SEZ6L: variants seen among roughly 807,000 people sequenced by gnomAD.
The protein encoded by SEZ6L is seizure 6-like protein.
A neutral mutation model predicts 106.2 loss-of-function variants in SEZ6L; 37 were observed. That is an observed-to-expected ratio of 0.35 (90% CI 0.27 to 0.46). SEZ6L has a LOEUF of 0.46. SEZ6L is among the 20% of genes least tolerant of loss of function. The pLI is 1.00. For missense variants in SEZ6L, 1,172 were observed against 1,332.8 expected, an observed-to-expected ratio of 0.88 and a Z score of 1.88; for synonymous variants, 541 against 570.4, an observed-to-expected ratio of 0.95 and a Z score of 0.73.
chr22:26,294,327 T>G lies in SEZ6L; in HGVS notation c.871T>G (p.Tyr291Asp). 1 of 1,614,058 alleles carries G rather than the reference T, an allele frequency of 6.2e-7. No individual in the cohort carries two copies. The highest frequency in any genetic ancestry group is 1.1e-5 in the South Asian group (1 of 91,078). Reference protein sequence around the residue: ...CSVSFSNPEGYIDSSDYPLLP... With the variant: ...CSVSFSNPEGDIDSSDYPLLP... The stretch of plus-strand genomic sequence containing the variant: ...TGTGAGCTTCTCCAATCCTGAGGGG[T>G]ACATTGACTCCAGCGACTACCCACT... The change falls in exon 3 of 17, where the codon TAC becomes GAC. Residue 291 changes from tyrosine (Y) to aspartate (D), a missense_variant. Tyr to Asp is a radical substitution (Grantham distance 160). Coordinates refer to ENST00000248933, the MANE Select transcript of SEZ6L (RefSeq NM_021115.5).
In SEZ6L at chr22:26,172,573, C is replaced by T. The variant is rs1938698637; in HGVS notation, c.94+2810C>T. On this transcript the variant is annotated intron_variant, in intron 1 of 16. Coordinates refer to ENST00000248933, the MANE Select transcript of SEZ6L (RefSeq NM_021115.5). ...TATCCAATATACCTACTGTGCAGAC[C>T]TCCACTAGGGGCGCTCCAAGATCTA... Among the ~76,000 whole-genome samples the T allele has an allele frequency of 2.6e-5, 4 of 152,130 alleles. No homozygotes were observed. In the South Asian group the frequency reaches 8.3e-4, roughly 32 times the overall value.
chr22:26,190,270 T>A (rs1940104512), intron 1 of SEZ6L, among the ~76,000 whole-genome samples: 1 of 152,162 alleles, frequency 6.6e-6, no homozygotes, highest in Non-Finnish European at 1.5e-5. Context: ...CAAGTTGTCA[T>A]ATGTGTAAAG....
intron 9 of SEZ6L, among the ~76,000 whole-genome samples, chr22:26,320,183 G>C (rs932368514): frequency 6.6e-6 from 1 of 152,194 alleles, no homozygotes; most frequent in African/African-American, 2.4e-5. Context: ...AGAATATCTA[G>C]CGGGAGGGGG....
At chr22:26,185,899 C>A (rs888329603) in intron 1 of SEZ6L, among the ~76,000 whole-genome samples, 4 of 152,056 alleles carry the variant, frequency 2.6e-5, no homozygotes. Context: ...CTCTGTAGTA[C>A]GAATAGGGGT....
chr22:26,373,957 C>A (rs1399944892), intron 14 of SEZ6L, among the ~76,000 whole-genome samples: 1 of 152,174 alleles, frequency 6.6e-6, no homozygotes, highest in Non-Finnish European at 1.5e-5. Context: ...TCTCTCCTTA[C>A]TTCAGCTCTC....
chr22:26,347,540 G>C (rs563430903), intron 10 of SEZ6L, among the ~76,000 whole-genome samples, 179 bp from the exon 11 acceptor site: 34 of 152,252 alleles, frequency 2.2e-4, no homozygotes, highest in Non-Finnish European at 4.4e-4. Flanking sequence ...GGCCCACAGA[G>C]AGAGGTAACC....
intron 3 of SEZ6L, among the ~76,000 whole-genome samples, chr22:26,294,785 TTTC>T (rs1478862459): frequency 6.6e-6 from 1 of 152,042 alleles, no homozygotes; most frequent in African/African-American, 2.4e-5. Flanking sequence ...CATTTGATTC[TTTC>T]TTGCTTGCTT....
At chr22:26,234,707 A>G (rs2078905517) in intron 1 of SEZ6L, among the ~76,000 whole-genome samples, 1 of 152,264 alleles carries the variant, frequency 6.6e-6, no homozygotes, top group South Asian at 2.1e-4. Flanking sequence ...TTTCCCAAAC[A>G]TTTAGTAAAC....
At chr22:26,270,126 A>C (rs1369796286) in intron 1 of SEZ6L, among the ~76,000 whole-genome samples, 11 of 152,202 alleles carry the variant, frequency 7.2e-5, no homozygotes, top group Admixed American at 7.2e-4. Context: ...CTCAGTTTTC[A>C]TATCTATAAA....
Position 26,351,656 on chromosome 22 carries a change from C to T in SEZ6L, c.2599+413C>T, listed in dbSNP as rs149153008. 2.0e-3 allele frequency among the ~76,000 whole-genome samples: 297 copies of T among 152,268 alleles called. 1 individual carries two copies. Among genetic ancestry groups the T allele is most frequent in the African/African-American group, 6.7e-3 (277 of 41,572 alleles). ...CCGCCTCCTGGGTTCAAGCGATTCTCATGCCTCAGCCTCCCGAGTAGCTGG... is the reference window on the plus strand; with the variant it reads ...CCGCCTCCTGGGTTCAAGCGATTCTTATGCCTCAGCCTCCCGAGTAGCTGG... On this transcript the variant is annotated intron_variant, in intron 12 of 16. Coordinates refer to ENST00000248933, the MANE Select transcript of SEZ6L (RefSeq NM_021115.5).
intron 5 of SEZ6L, among the ~76,000 whole-genome samples, chr22:26,305,757 A>T (rs887154723): frequency 1.3e-5 from 2 of 152,164 alleles, no homozygotes; most frequent in East Asian, 3.9e-4. Context: ...GTCAAACAGG[A>T]TTCCCTCCCA....
chr22:26,322,402 C>T (rs1274370992), intron 9 of SEZ6L, among the ~76,000 whole-genome samples: 1 of 152,148 alleles, frequency 6.6e-6, no homozygotes, highest in East Asian at 1.9e-4. Flanking sequence ...GGCTCCCAGG[C>T]CTGTAGGGAC....
chr22:26,208,139 T>C (rs1941382633), intron 1 of SEZ6L, among the ~76,000 whole-genome samples: 1 of 151,976 alleles, frequency 6.6e-6, no homozygotes. Flanking sequence ...ATGGTCTCGA[T>C]CTCCTGACCT....
At chr22:26,293,396 T>A (rs1029125383) in intron 2 of SEZ6L, among the ~76,000 whole-genome samples, 1 of 152,254 alleles carries the variant, frequency 6.6e-6, no homozygotes, top group African/African-American at 2.4e-5. Flanking sequence ...CATGGCACGA[T>A]CATAGCTCAC....
chr22:26,337,296 T>G (rs1208836100), intron 9 of SEZ6L, among the ~76,000 whole-genome samples: 1 of 152,200 alleles, frequency 6.6e-6, no homozygotes, highest in Non-Finnish European at 1.5e-5. Context: ...GGTTTTAAAA[T>G]GAAAGCTATT....
rs572073285 is a variant in SEZ6L, at chr22:26,171,008, T to C, written c.94+1245T>C. ...AGGCCCTGGACAGCTCTCAGCTCCA[T>C]GGGCCCTGGCTCTGGGTCCCTTTCC... On this transcript the variant is annotated intron_variant, in intron 1 of 16. Coordinates refer to ENST00000248933, the MANE Select transcript of SEZ6L (RefSeq NM_021115.5). Among the ~76,000 whole-genome samples the C allele has an allele frequency of 9.2e-5, 14 of 152,292 alleles. No individual in the cohort carries two copies. In the South Asian group the frequency reaches 2.9e-3, roughly 32 times the overall value.
At chr22:26,189,987 C>T (rs151321844) in intron 1 of SEZ6L, among the ~76,000 whole-genome samples, 3,058 of 152,040 alleles carry the variant, frequency 0.02, 54 homozygotes, top group Middle Eastern at 0.058. Context: ...GTCCCAGTTA[C>T]TCGGGAGGCT....
At chr22:26,303,525 A>C (rs1469053391) in intron 5 of SEZ6L, among the ~76,000 whole-genome samples, 2 of 152,258 alleles carry the variant, frequency 1.3e-5, no homozygotes, top group Admixed American at 6.5e-5. Flanking sequence ...AGTGACTTCG[A>C]TAAGAGATAC....
chr22:26,266,365 C>G (rs2080179088), intron 1 of SEZ6L, among the ~76,000 whole-genome samples: 1 of 151,036 alleles, frequency 6.6e-6, no homozygotes, highest in Non-Finnish European at 1.5e-5. Flanking sequence ...TCGAGACCAT[C>G]CTGGCTAACA....
Sources: gnomAD v4.1 joint callset for allele counts (sites outside exome capture counted in the v4.1 genomes callset) on GRCh38, gnomAD v4.1.1 for gene constraint, MANE v1.5 for transcripts, NCBI Gene and HGNC (gene_info 2026-07-23, HGNC 2026-07-21) for gene names.